UBAC1: variants seen among roughly 807,000 people sequenced by gnomAD.
The protein encoded by UBAC1 is ubiquitin-associated domain-containing protein 1.
UBAC1 carries 27 observed loss-of-function variants against 45.9 expected under a neutral mutation model. That is an observed-to-expected ratio of 0.59 (90% CI 0.43 to 0.81). The LOEUF (loss-of-function observed/expected upper bound fraction) is 0.81. Ranked by LOEUF, UBAC1 falls within the 30% of genes least tolerant of loss-of-function variation. The pLI, the probability that UBAC1 is intolerant of heterozygous loss-of-function variation, is 0.00. For synonymous variants in UBAC1, 227 were observed against 215.5 expected (o/e 1.05, Z -0.47); for missense variants, 529 against 539.2 (o/e 0.98, Z 0.19).
intron 3 of UBAC1, among the ~76,000 whole-genome samples, chr9:135,951,837 A>G (rs1420405821): frequency 6.6e-6 from 1 of 151,940 alleles, no homozygotes; most frequent in Non-Finnish European, 1.5e-5. Context: ...TAATAAAAAT[A>G]ATAATAATTA....
intron 1 of UBAC1, among the ~76,000 whole-genome samples, chr9:135,959,150 G>A (rs1467564668): frequency 1.3e-5 from 2 of 152,200 alleles, no homozygotes; most frequent in Non-Finnish European, 2.9e-5. Context: ...CACCGAGTGA[G>A]TTAAAGTAAA....
In UBAC1 at chr9:135,945,211, G is replaced by A. The variant is rs765936323; in HGVS notation, c.693C>T (p.His231=). 8.1e-6 allele frequency: 13 copies of A among 1,607,772 alleles called. No individual in the cohort carries two copies. Among genetic ancestry groups the A allele is most frequent in the South Asian group, 2.2e-5 (2 of 90,500 alleles). Residue 231 remains histidine, a synonymous_variant, in exon 7 of 10, where the codon CAC becomes CAT. Transcript: ENST00000371756. Reference sequence around the variant, plus strand: ...GCGTGTCTATGGTCGGGTCTTCTGCGTGTTCAATTAGCCACTCCATGGCCT... The same window carrying A: ...GCGTGTCTATGGTCGGGTCTTCTGCATGTTCAATTAGCCACTCCATGGCCT... ...VPQAMEWLIE[H]AEDPTIDTPL...
At chr9:135,948,626 G>C (rs1839368327) in intron 3 of UBAC1, among the ~76,000 whole-genome samples, 1 of 152,246 alleles carries the variant, frequency 6.6e-6, no homozygotes, top group East Asian at 1.9e-4. Context: ...GCTCATGAGA[G>C]GGAAAGCGGC....
Position 135,945,925 on chromosome 9 carries a change from G to A in UBAC1, c.617C>T (p.Pro206Leu), listed in dbSNP as rs1462237808. 13 of 1,613,902 alleles carry A rather than the reference G, an allele frequency of 8.1e-6. No homozygotes were observed. Among genetic ancestry groups the A allele is most frequent in the Middle Eastern group, 1.6e-4 (1 of 6,084 alleles). ...AAGGGCCTTGGTGGCTCTGTTCTCC[G>A]GAAAGCCCATCTCCGTGAGCTGCCG... ...ALRQLTEMGF[P>L]ENRATKALQL... Residue 206 changes from proline (P) to leucine (L), a missense_variant, in exon 6 of 10, where the codon CCG (proline) becomes CTG (leucine). Coordinates refer to ENST00000371756, the MANE Select transcript of UBAC1 (RefSeq NM_016172.3).
intron 9 of UBAC1, among the ~76,000 whole-genome samples, chr9:135,936,440 GA>G (rs956165002): frequency 2.0e-5 from 3 of 147,856 alleles, no homozygotes; most frequent in East Asian, 1.9e-4. Flanking sequence ...AACATTTTTG[GA>G]AAAAAAAATA....
intron 4 of UBAC1, 22 bp from the exon 5 acceptor site, chr9:135,946,393 TC>T (rs1315589565): frequency 6.7e-7 from 1 of 1,494,094 alleles, no homozygotes; most frequent in African/African-American, 1.4e-5. Flanking sequence ...AAAAAGGAGA[TC>T]AATTCTCTAA....
intron 3 of UBAC1, among the ~76,000 whole-genome samples, chr9:135,949,970 G>A (rs967275961): frequency 2.0e-5 from 3 of 152,212 alleles, no homozygotes; most frequent in Non-Finnish European, 4.4e-5. Context: ...GAGGCTGTGC[G>A]GGTAGGAATG....
At chr9:135,955,710 G>T (rs745927233) in intron 1 of UBAC1, among the ~76,000 whole-genome samples, 3 of 152,214 alleles carry the variant, frequency 2.0e-5, no homozygotes, top group Admixed American at 6.5e-5. Flanking sequence ...GGTCTAGAAA[G>T]ATCTGGAAAA....
intron 6 of UBAC1, chr9:135,945,532 C>A (rs776349782): frequency 2.8e-4 from 141 of 503,138 alleles, no homozygotes; most frequent in Admixed American, 7.2e-4. Context: ...ACAGGGGGAA[C>A]TGCCCCCGGC....
At chr9:135,955,935 C>T (rs7029359) in intron 1 of UBAC1, among the ~76,000 whole-genome samples, 1 of 151,926 alleles carries the variant, frequency 6.6e-6, no homozygotes, top group African/African-American at 2.4e-5. Context: ...AAGTAACAGC[C>T]ATGCTGCATC....
Position 135,945,040 on chromosome 9 carries a change from C to G in UBAC1, c.864G>C (p.Arg288=). The G allele has an allele frequency of 1.2e-6, 2 of 1,613,744 alleles. No individual in the cohort carries two copies. The highest frequency in any genetic ancestry group is 1.7e-6 in the Non-Finnish European group (2 of 1,179,838). ...FKKIRRKREF[R]ADARAVISLM... is the part of the protein sequence containing the mutation. ...TAGTAACACATACCCGAGCATCAGCCCGAAACTCCCTTTTCCTCCGGATCT... is the reference window on the plus strand; with the variant it reads ...TAGTAACACATACCCGAGCATCAGCGCGAAACTCCCTTTTCCTCCGGATCT... The change falls in exon 7 of 10, where the codon CGG becomes CGC. Residue 288 remains arginine (R), a synonymous_variant. Transcript: ENST00000371756.
At chr9:135,945,490 A>G (rs1051328586) in intron 6 of UBAC1, 3 of 521,830 alleles carry the variant, frequency 5.7e-6, no homozygotes, top group Non-Finnish European at 1.0e-5. Context: ...AAGCGGACCC[A>G]GAGATATCTG....
chr9:135,949,857 G>C (rs144764635), intron 3 of UBAC1, among the ~76,000 whole-genome samples: 28 of 152,372 alleles, frequency 1.8e-4, no homozygotes, highest in African/African-American at 6.3e-4. Flanking sequence ...ATGATCCTTG[G>C]TGGGCCTCAA....
chr9:135,956,490 G>A (rs185336885), intron 1 of UBAC1, among the ~76,000 whole-genome samples: 1 of 152,120 alleles, frequency 6.6e-6, no homozygotes, highest in Non-Finnish European at 1.5e-5. Flanking sequence ...GACTGAGGTC[G>A]GCACATGTGC....
At chr9:135,960,995 T>C (rs774792710) in intron 1 of UBAC1, 30 bp downstream of exon 1, 13 of 1,495,732 alleles carry the variant, frequency 8.7e-6, no homozygotes, top group East Asian at 8.3e-5. Context: ...GGAGCGGGTG[T>C]TGGGGGCAGG....
intron 2 of UBAC1, 69 bp downstream of exon 2, chr9:135,955,226 C>G: frequency 7.0e-7 from 1 of 1,419,604 alleles, no homozygotes; most frequent in Admixed American, 2.7e-5. Context: ...GGACCACCCC[C>G]TCCTGGCTCC....
At chr9:135,940,176 G>C (rs1257675525) in intron 7 of UBAC1, among the ~76,000 whole-genome samples, 1 of 152,038 alleles carries the variant, frequency 6.6e-6, no homozygotes, top group Non-Finnish European at 1.5e-5. Context: ...GTTACCCAAA[G>C]AGAAGTGGCA....
rs777491053 is a variant in UBAC1, at chr9:135,955,376, G to C, written c.178C>G (p.His60Asp). Residue 60 changes from histidine to aspartate, a missense_variant, in exon 2 of 10, where the codon CAT becomes GAT. Transcript: ENST00000371756. ...GSLEDPKSIT[H>D]HKLIHAASER... ...GAGGCAGCGTGGATTAATTTATGAT[G>C]GGTTATACTTTTGGGATCTTCTAAG... 1.2e-6 allele frequency: 2 copies of C among 1,604,082 alleles called. No homozygotes were observed. Among genetic ancestry groups the C allele is most frequent in the South Asian group, 2.2e-5 (2 of 89,102 alleles).
At chr9:135,957,940 A>ATT (rs1338249462) in intron 1 of UBAC1, among the ~76,000 whole-genome samples, 1 of 150,094 alleles carries the variant, frequency 6.7e-6, no homozygotes, top group Admixed American at 6.7e-5. Context: ...ATGCCAGGCT[A>ATT]TTTTTTTACA....
Sources: gnomAD v4.1 joint callset for allele counts (sites outside exome capture counted in the v4.1 genomes callset) on GRCh38, gnomAD v4.1.1 for gene constraint, MANE v1.5 for transcripts, NCBI Gene and HGNC (gene_info 2026-07-23, HGNC 2026-07-21) for gene names.